Variants in OTOGL observed in about 807,000 individuals in gnomAD.
The protein encoded by OTOGL is otogelin-like protein.
Under a neutral mutation model 318.5 loss-of-function variants are expected in OTOGL, and 285 were observed. The ratio of observed to expected loss-of-function variants is 0.89; its 90% CI spans 0.81 to 0.99. The LOEUF (loss-of-function observed/expected upper bound fraction) is 0.99. OTOGL is among the 50% of genes least tolerant of loss of function. The probability of loss-of-function intolerance (pLI) is 0.00; values close to 1 mark genes in which losing one functional copy is unlikely to be tolerated. For synonymous variants in OTOGL, 987 were observed against 936.5 expected (o/e 1.05, Z -0.99); for missense variants, 2,899 against 2,845.6 (o/e 1.02, Z -0.43).
chr12:80,124,073 T>G (rs939759683), intron 1 of OTOGL, among the ~76,000 whole-genome samples: 3 of 152,234 alleles, frequency 2.0e-5, no homozygotes, highest in Non-Finnish European at 2.9e-5. Flanking sequence ...TGGCTTTTAT[T>G]GCCATCGCTT....
intron 46 of OTOGL, among the ~76,000 whole-genome samples, chr12:80,354,847 C>G (rs1419458222): frequency 6.6e-6 from 1 of 152,164 alleles, no homozygotes; most frequent in East Asian, 1.9e-4. Context: ...AAAAGAACTA[C>G]TAGATGGTCA....
chr12:80,372,743 T>C lies in OTOGL; in HGVS notation c.6781+679T>C, dbSNP rs184263316. On this transcript the variant is annotated intron_variant, in intron 57 of 58. Transcript: ENST00000547103. ...TTGCTCTATTGCCCAGGCCGGGGCG[T>C]AGTGGCATGATCTTAGCTCACTGCA... Among the ~76,000 whole-genome samples, 5 of 151,994 alleles carry C rather than the reference T, an allele frequency of 3.3e-5. No homozygotes were observed. The East Asian group carries it at 9.7e-4, about 29-fold the overall frequency.
chr12:80,147,553 T>C (rs975119684), intron 1 of OTOGL, among the ~76,000 whole-genome samples: 17 of 152,008 alleles, frequency 1.1e-4, no homozygotes, highest in African/African-American at 3.4e-4. Context: ...TGGAGAGTTC[T>C]GTAGATGTCT....
At chr12:80,184,268 A>G (rs1220660589) in intron 1 of OTOGL, among the ~76,000 whole-genome samples, 1 of 152,222 alleles carries the variant, frequency 6.6e-6, no homozygotes, top group African/African-American at 2.4e-5. Context: ...CACATTAGCC[A>G]CACCAGGCTT....
intron 24 of OTOGL, among the ~76,000 whole-genome samples, chr12:80,276,998 T>TAATTTTTATAATCTTG (rs541024573): frequency 1.3e-5 from 2 of 151,278 alleles, no homozygotes; most frequent in African/African-American, 4.8e-5. Context: ...AATTCCATGT[T>TAATTTTTATAATCTTG]AATTTTTATA....
rs1241268577 is a variant in OTOGL at position 80,302,701 on chromosome 12, T to C, written c.3131T>C (p.Val1044Ala). The C allele has an allele frequency of 2.0e-6, 3 of 1,531,514 alleles. No individual in the cohort carries two copies. The highest frequency in any genetic ancestry group is 1.4e-5 in the African/African-American group (1 of 73,296). The allele number at this position is 1,531,514 out of a possible 1,614,324, so 94.9% of individuals were successfully genotyped here. ...YQLWKAGYYI[V>A]VYFPEKDITI... ...CTTTGGAAGGCTGGTTACTATATAG[T>C]AGTATACTTTCCAGAGAAAGATATC... Residue 1044 changes from valine to alanine, a missense_variant, in exon 28 of 59, where the codon GTA (valine) becomes GCA (alanine). By Grantham distance (64) the Val-to-Ala change is moderately conservative (BLOSUM62 0). Coordinates refer to ENST00000547103, the MANE Select transcript of OTOGL (RefSeq NM_001378609.3).
chr12:80,116,051 G>A (rs1420330343), intron 1 of OTOGL, among the ~76,000 whole-genome samples: 2 of 152,174 alleles, frequency 1.3e-5, no homozygotes, highest in African/African-American at 4.8e-5. Context: ...CTTTCCAGGG[G>A]AGTGAATGGT....
At chr12:80,289,860 A>G (rs979723437) in intron 26 of OTOGL, among the ~76,000 whole-genome samples, 7 of 152,102 alleles carry the variant, frequency 4.6e-5, no homozygotes, top group African/African-American at 1.7e-4. Flanking sequence ...GCTGAGTGAG[A>G]CCACTTGGCT....
At chr12:80,161,077 G>A (rs1162896132) in intron 1 of OTOGL, among the ~76,000 whole-genome samples, 2 of 151,946 alleles carry the variant, frequency 1.3e-5, no homozygotes, top group Non-Finnish European at 1.5e-5. Flanking sequence ...TTGGGGACTC[G>A]GGGGAAAGGC....
At chr12:80,125,999 A>G (rs10862059) in intron 1 of OTOGL, among the ~76,000 whole-genome samples, 75,795 of 151,822 alleles carry the variant, frequency 0.5, 19,551 homozygotes, top group Middle Eastern at 0.58. Context: ...AGCTCCTGGA[A>G]TCATTGATTT....
rs779085442 is a variant in OTOGL, at chr12:80,355,785, TG to T, written c.5648del (p.Gly1883AlafsTer19). The T allele has an allele frequency of 6.2e-7, 1 of 1,613,832 alleles. No individual in the cohort carries two copies. The highest frequency in any genetic ancestry group is 1.1e-5 in the South Asian group (1 of 91,086). ...QPRTAGEIWN[G>X]GIDECTLYKC... Reference sequence around the variant, plus strand: ...CCCGCACTGCTGGGGAGATTTGGAATGGGGGCATTGATGAATGCACTCTATA... The same window carrying T: ...CCCGCACTGCTGGGGAGATTTGGAATGGGGCATTGATGAATGCACTCTATA... On this transcript the variant is annotated frameshift_variant, in exon 47 of 59. Coordinates refer to ENST00000547103, the MANE Select transcript of OTOGL (RefSeq NM_001378609.3). LOFTEE classifies it high-confidence loss of function.
intron 1 of OTOGL, among the ~76,000 whole-genome samples, chr12:80,112,890 T>A (rs995646835): frequency 5.3e-5 from 8 of 152,110 alleles, no homozygotes; most frequent in Non-Finnish European, 8.8e-5. Context: ...GGTCCTGGAC[T>A]TTTTTTGGTT....
chr12:80,334,985 A>C (rs1184877781), intron 38 of OTOGL, among the ~76,000 whole-genome samples: 1 of 152,194 alleles, frequency 6.6e-6, no homozygotes, highest in African/African-American at 2.4e-5. Context: ...TAAGAGTCTT[A>C]CTATTTAGAA....
At chr12:80,356,365 G>T (rs1234425283) in intron 47 of OTOGL, 51 bp from the exon 48 acceptor site, 1 of 1,391,460 alleles carries the variant, frequency 7.2e-7, no homozygotes, top group Non-Finnish European at 1.0e-6. Flanking sequence ...CTTTGAGTTG[G>T]CAGATTTTAG....
At chr12:80,215,497 G>C (rs1877633909) in intron 4 of OTOGL, among the ~76,000 whole-genome samples, 1 of 151,990 alleles carries the variant, frequency 6.6e-6, no homozygotes, top group Admixed American at 6.6e-5. Context: ...TATGTGCCTG[G>C]CACTATTCTT....
At position 80,271,763 on chromosome 12, in the gene OTOGL, C is replaced by T. The variant is rs781567616; in HGVS notation, c.2634C>T (p.Thr878=). 1.2e-6 allele frequency: 2 copies of T among 1,613,196 alleles called. No individual in the cohort carries two copies. The highest frequency in any genetic ancestry group is 1.7e-6 in the Non-Finnish European group (2 of 1,179,462). Residue 878 remains threonine (T), a synonymous_variant, in exon 24 of 59, where the codon ACC becomes ACT. Coordinates refer to ENST00000547103, the MANE Select transcript of OTOGL (RefSeq NM_001378609.3). ...GTGCAAACCTAGCCATGAACTTCAC[C>T]TGCACCCCATCCTCACCCTGTATAA... ...TTCANLAMNF[T]CTPSSPCISG...
Position 80,379,857 on chromosome 12 carries a change from C to G in OTOGL, c.*1809C>G, listed in dbSNP as rs1220815462. On this transcript the variant is annotated 3_prime_UTR_variant, in exon 59 of 59. Transcript: ENST00000547103. ...CATGTGCCAGGCACTATTATAAACT[C>G]TTGGGACACAGGCAAAACTAAACAG... is the stretch of plus-strand genomic sequence containing the variant. 1.3e-5 allele frequency: 2 copies of G among 151,952 alleles called. No individual in the cohort carries two copies. Among genetic ancestry groups the G allele is most frequent in the Non-Finnish European group, 2.9e-5 (2 of 67,896 alleles). The allele number at this position is 151,952 out of a possible 1,614,324, so 9.4% of individuals were successfully genotyped here. A position where few individuals can be genotyped will look rare whatever the true frequency, so the allele number is the denominator to read the frequency against.
chr12:80,341,279 A>G (rs1013820299), intron 43 of OTOGL, among the ~76,000 whole-genome samples: 1 of 152,118 alleles, frequency 6.6e-6, no homozygotes, highest in Admixed American at 6.6e-5. Context: ...AGGAAGGGAA[A>G]TTGCCTGTGT....
chr12:80,112,889 C>CT (rs1314528665), intron 1 of OTOGL, among the ~76,000 whole-genome samples: 4 of 151,848 alleles, frequency 2.6e-5, no homozygotes, highest in Non-Finnish European at 5.9e-5. Context: ...TGGTCCTGGA[C>CT]TTTTTTTGGT....
Sources: gnomAD v4.1 joint callset for allele counts (sites outside exome capture counted in the v4.1 genomes callset) on GRCh38, gnomAD v4.1.1 for gene constraint, MANE v1.5 for transcripts, NCBI Gene and HGNC (gene_info 2026-07-23, HGNC 2026-07-21) for gene names.